The following KCNIP1 variants were observed in gnomAD, a reference collection of about 807,000 sequenced individuals.
The protein encoded by KCNIP1 is potassium voltage-gated channel interacting protein 1, also known as A-type potassium channel modulatory protein KCNIP1.
A neutral mutation model predicts 33.0 loss-of-function variants in KCNIP1; 18 were observed. The ratio of observed to expected loss-of-function variants is 0.55; its 90% confidence interval spans 0.38 to 0.81. The LOEUF (loss-of-function observed/expected upper bound fraction) is 0.81, where lower values mean the gene tolerates loss of function less well. Ranked by LOEUF, KCNIP1 falls within the 30% of genes least tolerant of loss-of-function variation. The pLI is 0.00. For missense variants in KCNIP1, 238 were observed against 271.6 expected (o/e 0.88, Z 0.87); for synonymous variants, 93 against 98.3 (o/e 0.95, Z 0.32).
chr5:170,558,409 T>C (rs1429622746), intron 1 of KCNIP1, among the ~76,000 whole-genome samples: 1 of 152,248 alleles, frequency 6.6e-6, no homozygotes, highest in Non-Finnish European at 1.5e-5. Context: ...AAATTAATTT[T>C]TTAAAGAAGG....
intron 1 of KCNIP1, among the ~76,000 whole-genome samples, chr5:170,445,010 C>G (rs1264400523): frequency 6.6e-6 from 1 of 152,210 alleles, no homozygotes; most frequent in African/African-American, 2.4e-5. Context: ...TGAAAGAGCA[C>G]TCAGCTAGGC....
intron 1 of KCNIP1, among the ~76,000 whole-genome samples, chr5:170,526,211 C>A (rs563390226): frequency 6.6e-6 from 1 of 152,210 alleles, no homozygotes; most frequent in African/African-American, 2.4e-5. Flanking sequence ...TAAAGTTCAA[C>A]CTACATGCTG....
At chr5:170,643,136 G>T (rs1055461064) in intron 1 of KCNIP1, among the ~76,000 whole-genome samples, 1 of 152,246 alleles carries the variant, frequency 6.6e-6, no homozygotes, top group Non-Finnish European at 1.5e-5. Flanking sequence ...TGCTACAGAA[G>T]AGGGGGAAAC....
intron 1 of KCNIP1, among the ~76,000 whole-genome samples, chr5:170,590,572 G>A (rs924482109): frequency 6.6e-6 from 1 of 152,068 alleles, no homozygotes; most frequent in Non-Finnish European, 1.5e-5. Flanking sequence ...GAGGGGTGAG[G>A]GAGGTTCCAG....
intron 3 of KCNIP1, 23 bp downstream of exon 3, chr5:170,720,413 T>C (rs1763778821): frequency 3.2e-6 from 5 of 1,578,194 alleles, no homozygotes; most frequent in Non-Finnish European, 4.4e-6. Context: ...TTGAAATCTA[T>C]CTTGCCCAGC....
chr5:170,675,772 C>G (rs980179235), intron 1 of KCNIP1, among the ~76,000 whole-genome samples: 1 of 152,162 alleles, frequency 6.6e-6, no homozygotes, highest in African/African-American at 2.4e-5. Context: ...CTCTTTGCCC[C>G]CATTTTCTTA....
chr5:170,583,897 G>T (rs1173149954), intron 1 of KCNIP1, among the ~76,000 whole-genome samples: 1 of 152,170 alleles, frequency 6.6e-6, no homozygotes, highest in East Asian at 1.9e-4. Flanking sequence ...TGGGGTTCAT[G>T]TGATACTTTG....
intron 1 of KCNIP1, among the ~76,000 whole-genome samples, chr5:170,499,015 G>A (rs1757362373): frequency 6.6e-6 from 1 of 152,134 alleles, no homozygotes. Flanking sequence ...GCGGTGGATG[G>A]GGGCGGTGGA....
chr5:170,671,235 A>G (rs900075857), intron 1 of KCNIP1, among the ~76,000 whole-genome samples: 1 of 152,182 alleles, frequency 6.6e-6, no homozygotes, highest in African/African-American at 2.4e-5. Context: ...TCTGCATGGC[A>G]TGGCCCCTGG....
In KCNIP1 at chr5:170,455,287, CTCCCCT is replaced by C. The variant is rs549192722; in HGVS notation, c.88+101344_88+101349del. Among the ~76,000 whole-genome samples the C allele has an allele frequency of 5.0e-3, 762 of 152,136 alleles. 3 individuals carry two copies. The highest frequency in any genetic ancestry group is 0.015 in the African/African-American group (618 of 41,500). On this transcript the variant is annotated intron_variant, in intron 1 of 7. Coordinates refer to the KCNIP1 transcript ENST00000377360. Reference sequence around the variant, plus strand: ...CTTCCTCCTCCTACTTCTCCTCCTCCTCCCCTTCCCCTTCCCCTTCCCCTTCTTCTT... The same window carrying C: ...CTTCCTCCTCCTACTTCTCCTCCTCCTCCCCTTCCCCTTCCCCTTCTTCTT...
intron 1 of KCNIP1, among the ~76,000 whole-genome samples, chr5:170,558,528 A>G (rs1756919518): frequency 6.6e-6 from 1 of 152,226 alleles, no homozygotes; most frequent in Non-Finnish European, 1.5e-5. Context: ...GGGAGTGGAC[A>G]CTGACTCCAT....
At position 170,531,930 on chromosome 5, in the gene KCNIP1, C is replaced by T. The variant is rs191435685; in HGVS notation, c.61+27297C>T. 5.2e-4 allele frequency among the ~76,000 whole-genome samples: 79 copies of T among 152,338 alleles called. 1 individual carries two copies. Among genetic ancestry groups the T allele is most frequent in the African/African-American group, 1.9e-3 (78 of 41,572 alleles). On this transcript the variant is annotated intron_variant, in intron 1 of 7. Coordinates refer to ENST00000328939, the MANE Select transcript of KCNIP1 (RefSeq NM_014592.4). ...GCCCCCATCTTCCCGATCTAACTCA[C>T]ACCATTTGTCATAGTGACCTGGCCT...
chr5:170,692,294 C>A (rs915561122), intron 1 of KCNIP1, among the ~76,000 whole-genome samples: 11 of 152,128 alleles, frequency 7.2e-5, no homozygotes, highest in Non-Finnish European at 1.6e-4. Context: ...CCTGGAAGAT[C>A]CCCTCCTCTG....
chr5:170,504,476 T>G lies in KCNIP1; in HGVS notation c.-97T>G. The G allele has an allele frequency of 6.3e-7, 1 of 1,577,816 alleles. No individual in the cohort carries two copies. Among genetic ancestry groups the G allele is most frequent in the East Asian group, 2.2e-5 (1 of 44,460 alleles). On this transcript the variant is annotated 5_prime_UTR_variant, in exon 1 of 8. Coordinates refer to ENST00000328939, the MANE Select transcript of KCNIP1 (RefSeq NM_014592.4). This position sits in a 1 kb window ranked among gnomAD's most constrained non-coding sequence, Gnocchi z 6.0. The stretch of plus-strand genomic sequence containing the variant: ...AGGCGAGCTGCCGGGCGCTTTTCTC[T>G]CCTCCAATTCAGAGTAGACAAACCA...
chr5:170,591,371 G>C (rs981224902), intron 1 of KCNIP1, among the ~76,000 whole-genome samples: 1 of 16,412 alleles, frequency 6.1e-5, no homozygotes, highest in African/African-American at 2.1e-4. Flanking sequence ...TTGCTGAAGA[G>C]GAAAGGGGAA....
intron 1 of KCNIP1, among the ~76,000 whole-genome samples, chr5:170,652,516 A>C (rs1316964650): frequency 2.2e-5 from 3 of 135,904 alleles, no homozygotes; most frequent in Non-Finnish European, 4.7e-5. Context: ...GAAGGAAGGA[A>C]GGAGAAAAGA....
intron 1 of KCNIP1, among the ~76,000 whole-genome samples, chr5:170,471,239 G>A (rs527814939): frequency 6.6e-6 from 1 of 152,162 alleles, no homozygotes; most frequent in African/African-American, 2.4e-5. Context: ...GGGTGCTCTA[G>A]AATCTGTATG....
intron 1 of KCNIP1, among the ~76,000 whole-genome samples, chr5:170,491,235 G>A (rs1384923758): frequency 6.6e-6 from 1 of 152,210 alleles, no homozygotes; most frequent in Non-Finnish European, 1.5e-5. Flanking sequence ...CAGGAGTGCA[G>A]TGAATATCAA....
At chr5:170,647,997 T>C (rs1760859352) in intron 1 of KCNIP1, among the ~76,000 whole-genome samples, 1 of 152,304 alleles carries the variant, frequency 6.6e-6, no homozygotes, top group African/African-American at 2.4e-5. Flanking sequence ...CCAAGGAAGA[T>C]ATACAGATGG....
Sources: allele counts gnomAD v4.1 joint callset (sites outside exome capture counted in the v4.1 genomes callset), GRCh38; gene constraint gnomAD v4.1.1; non-coding constraint Gnocchi (gnomAD v3.1); transcripts MANE v1.5; gene names NCBI Gene and HGNC (gene_info 2026-07-23, HGNC 2026-07-21).